The following INCA1 variants were observed in gnomAD, a reference collection of about 807,000 sequenced individuals.
INCA1 encodes the protein protein INCA1.
INCA1 carries 28 observed loss-of-function variants against 25.7 expected under a neutral mutation model. The observed-to-expected ratio is 1.09, with a 90% CI of 0.81 to 1.49. INCA1 has a LOEUF of 1.49. Among genes scored for constraint, INCA1 ranks in the 40% most tolerant of loss-of-function variants. INCA1 has a pLI of 0.00. For missense variants in INCA1, 309 were observed against 290.9 expected (o/e 1.06, Z -0.45); for synonymous variants, 111 against 103.6 (o/e 1.07, Z -0.43).
exon 5 of INCA1, chr17:4,989,454 T>G: frequency 6.2e-7 from 1 of 1,614,024 alleles, no homozygotes; most frequent in Non-Finnish European, 8.5e-7. Context: ...GACGCCTTCT[T>G]AGGTCCTCCA....
intron 2 of INCA1, among the ~76,000 whole-genome samples, chr17:4,991,362 T>TA (rs1411960396): frequency 1.3e-5 from 2 of 152,214 alleles, no homozygotes; most frequent in African/African-American, 4.8e-5. Flanking sequence ...GAGGAAGGCC[T>TA]TGGCTACTCA....
intron 1 of INCA1, among the ~76,000 whole-genome samples, chr17:4,995,650 C>T (rs1974190259): frequency 6.6e-6 from 1 of 151,902 alleles, no homozygotes; most frequent in Non-Finnish European, 1.5e-5. Context: ...AAAAAGTTGG[C>T]TGGGTGTGGT....
exon 7 of INCA1, chr17:4,988,505 G>T (rs769545782): frequency 4.3e-6 from 7 of 1,614,100 alleles, no homozygotes; most frequent in Non-Finnish European, 5.9e-6. Context: ...CAGCTGCCTG[G>T]AGGCACAAGC....
At position 4,989,492 on chromosome 17, in the gene INCA1, C is replaced by T. The variant is rs565333598; in HGVS notation, c.331G>A (p.Ala111Thr). The change falls in exon 5 of 7, where the codon GCC (alanine) becomes ACC (threonine). Residue 111 changes from alanine to threonine, a missense_variant. Transcript: ENST00000576820. ...TGGTAAGTGACAGCCCTCACCCGGG[C>T]GGGGACTCCCCCAAGGCCCTGCTGC... The T allele has an allele frequency of 2.0e-5, 32 of 1,614,202 alleles. No individual in the cohort carries two copies. In the South Asian group the frequency reaches 2.5e-4, roughly 13 times the overall value.
chr17:4,990,457 T>C (rs2143184136), intron 2 of INCA1, among the ~76,000 whole-genome samples, 192 bp from the exon 3 acceptor site: 1 of 152,286 alleles, frequency 6.6e-6, no homozygotes, highest in South Asian at 2.1e-4. Flanking sequence ...GAAGCTGGGT[T>C]GAGGGTGGAG....
chr17:4,991,748 A>G (rs1487951882), intron 2 of INCA1, among the ~76,000 whole-genome samples: 1 of 152,118 alleles, frequency 6.6e-6, no homozygotes, highest in Non-Finnish European at 1.5e-5. Context: ...CCTCCTCTCA[A>G]TGAAAAGCAC....
intron 5 of INCA1, 26 bp from the exon 6 acceptor site, chr17:4,988,970 G>A: frequency 6.3e-7 from 1 of 1,596,818 alleles, no homozygotes; most frequent in East Asian, 2.2e-5. Context: ...GCTGAGGAGA[G>A]AAGTGCCTGG....
At chr17:4,997,335 C>T (rs1046404483), upstream of INCA1, among the ~76,000 whole-genome samples, 1 of 152,124 alleles carries the variant, frequency 6.6e-6, no homozygotes, top group Non-Finnish European at 1.5e-5. Context: ...GCCTGAGGGA[C>T]GCCCCGGGTC....
chr17:4,993,231 G>A (rs921062111), intron 2 of INCA1, among the ~76,000 whole-genome samples: 7 of 151,906 alleles, frequency 4.6e-5, no homozygotes, highest in Non-Finnish European at 8.8e-5. Context: ...CCGGGCTGGA[G>A]TGCAATGGCT....
At chr17:4,988,592 AG>A in intron 6 of INCA1, 38 bp from the exon 7 acceptor site, 1 of 1,607,064 alleles carries the variant, frequency 6.2e-7, no homozygotes, top group South Asian at 1.1e-5. Flanking sequence ...AAAATGGAAA[AG>A]TAGGTCTTCT....
intron 2 of INCA1, among the ~76,000 whole-genome samples, chr17:4,992,106 A>G (rs1412378566): frequency 6.6e-6 from 1 of 152,196 alleles, no homozygotes; most frequent in Non-Finnish European, 1.5e-5. Flanking sequence ...AGATGAAAAG[A>G]TTATCCATAC....
At chr17:4,989,773 G>T in intron 4 of INCA1, 117 bp downstream of exon 4, 1 of 1,561,344 alleles carries the variant, frequency 6.4e-7, no homozygotes, top group Non-Finnish European at 8.8e-7. Context: ...GGAAGGCCTG[G>T]TCAGTGCACT....
exon 6 of INCA1, chr17:4,988,890 A>C (rs1973580233): frequency 6.2e-7 from 1 of 1,614,214 alleles, no homozygotes; most frequent in East Asian, 2.2e-5. Flanking sequence ...CCTCTTCGCC[A>C]AGCACCACTG....
intron 1 of INCA1, among the ~76,000 whole-genome samples, chr17:4,995,633 TAAA>T (rs1329103675): frequency 6.8e-6 from 1 of 147,158 alleles, no homozygotes; most frequent in Admixed American, 6.8e-5. Context: ...CATCTCTATT[TAAA>T]AAAAAAAAGT....
In INCA1 at chr17:4,989,897, G is replaced by A. The variant is rs1187074109; in HGVS notation, c.191C>T (p.Pro64Leu). The change falls in exon 4 of 7, where the codon CCC becomes CTC. Residue 64 changes from proline to leucine, a missense_variant. Transcript: ENST00000576820. ...GCAGAGGGTCTGTCTTACCAGCATGGGTGGAATGTGCTGCTCCTCCAGCCA... is the reference window on the plus strand; with the variant it reads ...GCAGAGGGTCTGTCTTACCAGCATGAGTGGAATGTGCTGCTCCTCCAGCCA... 4 of 1,614,044 alleles carry A rather than the reference G, an allele frequency of 2.5e-6. No homozygotes were observed. The highest frequency in any genetic ancestry group is 2.2e-5 in the East Asian group (1 of 44,892).
At chr17:4,988,445 T>C in exon 7 of INCA1, 1 of 1,613,174 alleles carries the variant, frequency 6.2e-7, no homozygotes, top group Non-Finnish European at 8.5e-7. Context: ...CCAGGGATTG[T>C]GAAGGGGGTT....
At chr17:4,991,720 C>T (rs999663306) in intron 2 of INCA1, among the ~76,000 whole-genome samples, 7 of 152,222 alleles carry the variant, frequency 4.6e-5, no homozygotes, top group African/African-American at 1.7e-4. Flanking sequence ...CTCCACTCAA[C>T]ATCTCCTCCC....
At chr17:4,991,209 T>C (rs1293442908) in intron 2 of INCA1, among the ~76,000 whole-genome samples, 1 of 152,134 alleles carries the variant, frequency 6.6e-6, no homozygotes, top group African/African-American at 2.4e-5. Flanking sequence ...TGAGCCATTG[T>C]GCCCGGCCTA....
At chr17:4,994,932 G>A (rs189906550) in intron 1 of INCA1, among the ~76,000 whole-genome samples, 182 of 152,130 alleles carry the variant, frequency 1.2e-3, no homozygotes, top group African/African-American at 4.1e-3. Context: ...GCGGCTGGGC[G>A]CAGTGGCTTA....
Sources: gnomAD v4.1 joint callset for allele counts (sites outside exome capture counted in the v4.1 genomes callset) on GRCh38, gnomAD v4.1.1 for gene constraint, MANE v1.5 for transcripts, NCBI Gene and HGNC (gene_info 2026-07-23, HGNC 2026-07-21) for gene names.